The following C1orf167 variants were observed in gnomAD, a reference collection of about 807,000 sequenced individuals.
C1orf167 encodes the protein chromosome 1 open reading frame 167.
Under a neutral mutation model 176.5 loss-of-function variants are expected in C1orf167, and 153 were observed. That is an observed-to-expected ratio of 0.87 (90% CI 0.76 to 0.99). C1orf167 has a LOEUF of 0.99. Among genes scored for constraint, C1orf167 ranks in the 50% least tolerant of loss-of-function variants. The pLI is 0.00. For synonymous variants in C1orf167, 594 were observed against 752.7 expected (o/e 0.79, Z 3.45); for missense variants, 1,490 against 1,817.7 (o/e 0.82, Z 3.28).
At chr1:11,772,316 A>T in intron 8 of C1orf167, 57 bp downstream of exon 8, 1 of 1,248,396 alleles carries the variant, frequency 8.0e-7, no homozygotes. Flanking sequence ...CCTAGGCTGA[A>T]GTACAGTGGC....
In C1orf167 at chr1:11,787,856, T is replaced by G. The variant is rs2100455698; in HGVS notation, c.3674-17T>G. On this transcript the variant is annotated splice_polypyrimidine_tract_variant and intron_variant, in intron 17 of 20. Transcript: ENST00000688073. ...TGGACCCACCTTAACCTCTTGTGACTCAACTCCCCTTTCCAGGGTGCAGGG... is the reference window on the plus strand; with the variant it reads ...TGGACCCACCTTAACCTCTTGTGACGCAACTCCCCTTTCCAGGGTGCAGGG... 1 of 1,207,132 alleles carries G rather than the reference T, an allele frequency of 8.3e-7. No homozygotes were observed. The highest frequency in any genetic ancestry group is 1.5e-5 in the South Asian group (1 of 65,734). The allele number at this position is 1,207,132 out of a possible 1,614,324, so 74.8% of individuals were successfully genotyped here. A position where few individuals can be genotyped will look rare whatever the true frequency, so the allele number is the denominator to read the frequency against.
intron 16 of C1orf167, 159 bp from the exon 17 acceptor site, chr1:11,787,229 G>A (rs961653444): frequency 6.9e-6 from 2 of 290,338 alleles, no homozygotes; most frequent in African/African-American, 4.4e-5. Context: ...TAACTATTAT[G>A]GGCCCACCCC....
At chr1:11,773,444 A>T (rs1208477556) in intron 8 of C1orf167, among the ~76,000 whole-genome samples, 1 of 152,014 alleles carries the variant, frequency 6.6e-6, no homozygotes, top group African/African-American at 2.4e-5. Flanking sequence ...GCGGTGGCTC[A>T]TGCCTGTAAT....
Position 11,772,265 on chromosome 1 carries a change from A to T in C1orf167, c.1988+6A>T. 7.7e-7 allele frequency: 1 copy of T among 1,298,564 alleles called. No homozygotes were observed. The highest frequency in any genetic ancestry group is 1.0e-6 in the Non-Finnish European group (1 of 986,572). 80.4% of individuals were successfully genotyped at this position (1,298,564 alleles called of 1,614,324 possible). A position where few individuals can be genotyped will look rare whatever the true frequency, so the allele number is the denominator to read the frequency against. ...CAGAGAGCTTGGCTGTGCAGGTAGG[A>T]TGCCCTTCCCTTTTTTTTGAGATGA... is the stretch of plus-strand genomic sequence containing the variant. On this transcript the variant is annotated splice_donor_region_variant and intron_variant, in intron 8 of 20. Coordinates refer to ENST00000688073, the MANE Select transcript of C1orf167 (RefSeq NM_001010881.2).
chr1:11,765,761 G>A (rs1642759574), intron 2 of C1orf167, 96 bp from the exon 3 acceptor site: 16 of 1,097,428 alleles, frequency 1.5e-5, no homozygotes, highest in African/African-American at 8.2e-5. Context: ...CCGCTGCTGG[G>A]GCCCTGTCCC....
intron 1 of C1orf167, among the ~76,000 whole-genome samples, chr1:11,763,268 T>C (rs781488496): frequency 5.3e-5 from 8 of 152,156 alleles, no homozygotes; most frequent in Non-Finnish European, 7.4e-5. Context: ...GGTGAAACCC[T>C]GTCTCTACCA....
In C1orf167 at chr1:11,776,450, T is replaced by C. The variant is rs983296094; in HGVS notation, c.2165-14T>C. The C allele has an allele frequency of 5.6e-5, 73 of 1,298,948 alleles. No homozygotes were observed. The highest frequency in any genetic ancestry group is 2.1e-4 in the Middle Eastern group (1 of 4,688). 80.5% of individuals were successfully genotyped at this position (1,298,948 alleles called of 1,614,324 possible). On this transcript the variant is annotated splice_polypyrimidine_tract_variant and intron_variant, in intron 9 of 20. Transcript: ENST00000688073. The stretch of plus-strand genomic sequence containing the variant: ...GTGGGGAGGCAGCTGACTGGACTCT[T>C]GACGGTTTCTCAGGACGTGAGGCTG...
In C1orf167 at chr1:11,779,879, G is replaced by A. The variant is rs1333815097; in HGVS notation, c.2729G>A (p.Arg910Gln). The change falls in exon 13 of 21, where the codon CGG (arginine) becomes CAG (glutamine). Residue 910 changes from arginine (R) to glutamine (Q), a missense_variant. Coordinates refer to ENST00000688073, the MANE Select transcript of C1orf167 (RefSeq NM_001010881.2). ...RELASHRAWD[R>Q]TCRAVLGLWR... ...CTGGCTTCCCACCGGGCCTGGGATC[G>A]GACCTGCAGGGCTGTGCTGGGCCTG... 7 of 1,303,084 alleles carry A rather than the reference G, an allele frequency of 5.4e-6. No homozygotes were observed. Among genetic ancestry groups the A allele is most frequent in the African/African-American group, 3.0e-5 (2 of 65,830 alleles). The allele number at this position is 1,303,084 out of a possible 1,614,324, so 80.7% of individuals were successfully genotyped here.
chr1:11,766,558 G>T lies in C1orf167; in HGVS notation c.772G>T (p.Ala258Ser), dbSNP rs565517584. ...GGAGGCAGCCCGACTCAGGTGCCAG[G>T]CTCCCCAGGAACCCCCCGGTGCTGT... is the stretch of plus-strand genomic sequence containing the variant. Reference protein sequence around the residue: ...AQEAARLRCQAPQEPPGAVQQ... With the variant: ...AQEAARLRCQSPQEPPGAVQQ... Residue 258 changes from alanine (A) to serine (S), a missense_variant, in exon 3 of 21, where the codon GCT (alanine) becomes TCT (serine). By Grantham distance (99) the Ala-to-Ser change is moderately conservative. Coordinates refer to ENST00000688073, the MANE Select transcript of C1orf167 (RefSeq NM_001010881.2). This position sits in a 1 kb window ranked among gnomAD's most constrained non-coding sequence, Gnocchi z 4.5. 5 of 1,245,038 alleles carry T rather than the reference G, an allele frequency of 4.0e-6. No homozygotes were observed. In the East Asian group the frequency reaches 2.8e-4, roughly 71 times the overall value. 77.1% of individuals were successfully genotyped at this position (1,245,038 alleles called of 1,614,324 possible).
rs1332348971 is a variant in C1orf167, at chr1:11,767,737, G to T, written c.1344-340G>T. Among the ~76,000 whole-genome samples, 6 of 152,102 alleles carry T rather than the reference G, an allele frequency of 3.9e-5. No individual in the cohort carries two copies. In the East Asian group the frequency reaches 1.2e-3, roughly 29 times the overall value. On this transcript the variant is annotated intron_variant, in intron 4 of 20. Transcript: ENST00000688073. ...GCTACGCAGGAGGCTGAGGTGGGAG[G>T]ATCACTTGAGCCCAGGAGGTCGAGG...
chr1:11,766,163 G>C lies in C1orf167; in HGVS notation c.377G>C (p.Ser126Thr). The C allele has an allele frequency of 3.1e-6, 4 of 1,289,848 alleles. No individual in the cohort carries two copies. Among genetic ancestry groups the C allele is most frequent in the Non-Finnish European group, 4.0e-6 (4 of 988,856 alleles). The allele number at this position is 1,289,848 out of a possible 1,614,324, so 79.9% of individuals were successfully genotyped here. ...TTTGCCATCCAGCAGAGCAACCTGA[G>C]CATCAACGAGACCAGCAGCCCCCAC... ...REFAIQQSNL[S>T]INETSSPHLC... Residue 126 changes from serine (S) to threonine (T), a missense_variant, in exon 3 of 21, where the codon AGC becomes ACC. Physicochemically the swap from Ser to Thr is moderately conservative, Grantham distance 58. Transcript: ENST00000688073. This position sits in a 1 kb window ranked among gnomAD's most constrained non-coding sequence, Gnocchi z 4.5.
intron 2 of C1orf167, among the ~76,000 whole-genome samples, chr1:11,764,747 G>A (rs1642703421): frequency 6.6e-6 from 1 of 152,204 alleles, no homozygotes; most frequent in Non-Finnish European, 1.5e-5. Flanking sequence ...TTCTCAGGCT[G>A]CTGAGGCTTT....
In C1orf167 at chr1:11,772,847, A is replaced by G. The variant is rs564943449; in HGVS notation, c.1988+588A>G. Among the ~76,000 whole-genome samples, 25 of 149,934 alleles carry G rather than the reference A, an allele frequency of 1.7e-4. No homozygotes were observed. The South Asian group carries it at 4.8e-3, about 29-fold the overall frequency. On this transcript the variant is annotated intron_variant, in intron 8 of 20. Coordinates refer to ENST00000688073, the MANE Select transcript of C1orf167 (RefSeq NM_001010881.2). ...TTGTGAAGAGAAGGAACACAGATCT[A>G]TGAGTTTCTTTTTTTGCTCCCTGGT...
Position 11,768,367 on chromosome 1 carries a change from C to A in C1orf167, c.1542+92C>A. On this transcript the variant is annotated intron_variant, in intron 5 of 20. Transcript: ENST00000688073. This position sits in a 1 kb window ranked among gnomAD's most constrained non-coding sequence, Gnocchi z 4.5. Reference sequence around the variant, plus strand: ...GTCTACGGAGAGGACACCCACTGGGCATAGGTGGCACCTCATGAATGATCA... The same window carrying A: ...GTCTACGGAGAGGACACCCACTGGGAATAGGTGGCACCTCATGAATGATCA... 1.8e-6 allele frequency: 2 copies of A among 1,096,878 alleles called. No individual in the cohort carries two copies. Among genetic ancestry groups the A allele is most frequent in the Non-Finnish European group, 2.4e-6 (2 of 831,346 alleles). 67.9% of individuals were successfully genotyped at this position (1,096,878 alleles called of 1,614,324 possible).
In C1orf167 at chr1:11,766,313, C is replaced by A. The variant is rs556572610; in HGVS notation, c.527C>A (p.Thr176Asn). The A allele has an allele frequency of 4.5e-5, 58 of 1,288,490 alleles. No homozygotes were observed. Among genetic ancestry groups the A allele is most frequent in the African/African-American group, 3.6e-4 (24 of 65,922 alleles). 79.8% of individuals were successfully genotyped at this position (1,288,490 alleles called of 1,614,324 possible). The change falls in exon 3 of 21, where the codon ACC (threonine) becomes AAC (asparagine). Residue 176 changes from threonine (T) to asparagine (N), a missense_variant. Transcript: ENST00000688073. This position sits in a 1 kb window ranked among gnomAD's most constrained non-coding sequence, Gnocchi z 4.5. ...CAGTCCGGGCTGCCGGCCCCAGGCACCCCTAGCGGGGACTTCAGGCCCACT... is the reference window on the plus strand; with the variant it reads ...CAGTCCGGGCTGCCGGCCCCAGGCAACCCTAGCGGGGACTTCAGGCCCACT... ...LRQSGLPAPG[T>N]PSGDFRPTEA...
Position 11,772,062 on chromosome 1 carries a change from C to A in C1orf167, c.1811-20C>A. 7.7e-7 allele frequency: 1 copy of A among 1,291,388 alleles called. No homozygotes were observed. The highest frequency in any genetic ancestry group is 1.3e-5 in the South Asian group (1 of 79,802). The allele number at this position is 1,291,388 out of a possible 1,614,324, so 80.0% of individuals were successfully genotyped here. A position where few individuals can be genotyped will look rare whatever the true frequency, so the allele number is the denominator to read the frequency against. ...ATCTGCTTACTCTCTCTTTTCTCTCCCTCCTCCCTCTCTCCTTAGTGTTCT... is the reference window on the plus strand; with the variant it reads ...ATCTGCTTACTCTCTCTTTTCTCTCACTCCTCCCTCTCTCCTTAGTGTTCT... On this transcript the variant is annotated intron_variant, in intron 7 of 20. Transcript: ENST00000688073.
chr1:11,766,430 C>T lies in C1orf167; in HGVS notation c.644C>T (p.Pro215Leu). Residue 215 changes from proline to leucine, a missense_variant, in exon 3 of 21, where the codon CCT (proline) becomes CTT (leucine). Physicochemically the swap from Pro to Leu is moderately conservative, Grantham distance 98 (BLOSUM62 -3). Coordinates refer to ENST00000688073, the MANE Select transcript of C1orf167 (RefSeq NM_001010881.2). This position sits in a 1 kb window ranked among gnomAD's most constrained non-coding sequence, Gnocchi z 4.5. ...TGGAGGTCCAGGCTGGTGGGGGAAC[C>T]TCTCACCCTGGAGGACCTGGCTGTC... ...GSWRSRLVGE[P>L]LTLEDLAVPS... 1 of 1,284,568 alleles carries T rather than the reference C, an allele frequency of 7.8e-7. No individual in the cohort carries two copies. The highest frequency in any genetic ancestry group is 1.2e-5 in the South Asian group (1 of 80,314). The allele number at this position is 1,284,568 out of a possible 1,614,324, so 79.6% of individuals were successfully genotyped here.
In C1orf167 at chr1:11,768,402, GGT is replaced by G; in HGVS notation, c.1542+130_1542+131del. 2.4e-6 allele frequency: 2 copies of G among 846,008 alleles called. No individual in the cohort carries two copies. The highest frequency in any genetic ancestry group is 3.2e-6 in the Non-Finnish European group (2 of 621,156). 52.4% of individuals were successfully genotyped at this position (846,008 alleles called of 1,614,324 possible). ...ACCTCATGAATGATCAGCAGTAAAG[GGT>G]GTAGTTGTGAGTCCACACACCTGAA... On this transcript the variant is annotated intron_variant, in intron 5 of 20. Coordinates refer to ENST00000688073, the MANE Select transcript of C1orf167 (RefSeq NM_001010881.2). The surrounding 1 kb of genome is among the most constrained non-coding windows in gnomAD (Gnocchi z 4.5).
Position 11,780,541 on chromosome 1 carries a change from CCTGA to C in C1orf167, c.2860+535_2860+538del, listed in dbSNP as rs546221492. Reference sequence around the variant, plus strand: ...AGTTTGAATCCCTGCTCTTCCATACCCTGACTGTGTGAAACTTAAACAACCTAGT... The same window carrying C: ...AGTTTGAATCCCTGCTCTTCCATACCCTGTGTGAAACTTAAACAACCTAGT... On this transcript the variant is annotated intron_variant, in intron 13 of 20. Transcript: ENST00000688073. Among the ~76,000 whole-genome samples, 6 of 152,312 alleles carry C rather than the reference CCTGA, an allele frequency of 3.9e-5. No individual in the cohort carries two copies. The South Asian group carries it at 8.3e-4, about 21-fold the overall frequency.
Sources: allele counts gnomAD v4.1 joint callset (sites outside exome capture counted in the v4.1 genomes callset), GRCh38; gene constraint gnomAD v4.1.1; non-coding constraint Gnocchi (gnomAD v3.1); transcripts MANE v1.5; gene names NCBI Gene and HGNC (gene_info 2026-07-23, HGNC 2026-07-21).